RFX8: variants seen among roughly 807,000 people sequenced by gnomAD.
The protein encoded by RFX8 is regulatory factor X8.
A neutral mutation model predicts 54.6 loss-of-function variants in RFX8; 46 were observed. The observed-to-expected ratio is 0.84, with a 90% CI of 0.67 to 1.08. The LOEUF is 1.08. Among genes scored for constraint, RFX8 ranks in the 50% least tolerant of loss-of-function variants. RFX8 has a pLI of 0.00. For synonymous variants in RFX8, 192 were observed against 209.5 expected (o/e 0.92, Z 0.72); for missense variants, 536 against 562.3 (o/e 0.95, Z 0.47).
intron 2 of RFX8, among the ~76,000 whole-genome samples, chr2:101,451,842 C>T (rs113884723): frequency 0.045 from 6,891 of 152,168 alleles, 244 homozygotes; most frequent in African/African-American, 0.11. Flanking sequence ...GCCCGTAATC[C>T]CAGTGCTTTG....
intron 2 of RFX8, among the ~76,000 whole-genome samples, chr2:101,458,929 A>G (rs1367874473): frequency 2.0e-5 from 3 of 151,810 alleles, no homozygotes; most frequent in Non-Finnish European, 4.4e-5. Context: ...TTTTTTCTCT[A>G]ATCTTGTCTT....
At chr2:101,460,568 T>C (rs1360268482) in intron 2 of RFX8, among the ~76,000 whole-genome samples, 1 of 152,052 alleles carries the variant, frequency 6.6e-6, no homozygotes, top group Non-Finnish European at 1.5e-5. Flanking sequence ...GTGGCATCCA[T>C]GACATGCATG....
chr2:101,431,590 C>G (rs1687491788), intron 2 of RFX8, among the ~76,000 whole-genome samples: 1 of 152,156 alleles, frequency 6.6e-6, no homozygotes, highest in South Asian at 2.1e-4. Context: ...TATTTCAAAG[C>G]TAGAATGTCT....
chr2:101,444,067 T>A (rs1203011951), intron 2 of RFX8, among the ~76,000 whole-genome samples: 1 of 152,176 alleles, frequency 6.6e-6, no homozygotes, highest in Non-Finnish European at 1.5e-5. Context: ...GCCCATTCCA[T>A]GTGTGGAGCA....
intron 2 of RFX8, among the ~76,000 whole-genome samples, chr2:101,443,600 C>T (rs929493344): frequency 3.3e-5 from 5 of 152,008 alleles, no homozygotes; most frequent in Non-Finnish European, 7.4e-5. Context: ...GCTCTGAAAG[C>T]GGGAAAGAAG....
chr2:101,456,607 G>A (rs565923807), intron 2 of RFX8, among the ~76,000 whole-genome samples: 1 of 152,200 alleles, frequency 6.6e-6, no homozygotes, highest in Admixed American at 6.5e-5. Context: ...TACTGGATTC[G>A]GTTTGCCAGT....
intron 1 of RFX8, among the ~76,000 whole-genome samples, chr2:101,470,237 T>C (rs1689899901): frequency 1.3e-5 from 2 of 152,216 alleles, no homozygotes; most frequent in Non-Finnish European, 2.9e-5. Context: ...ACCTGCCTAC[T>C]ACCGTGGCTT....
At chr2:101,416,273 G>A (rs774821006) in intron 6 of RFX8, among the ~76,000 whole-genome samples, 15 of 152,140 alleles carry the variant, frequency 9.9e-5, no homozygotes, top group East Asian at 3.9e-4. Flanking sequence ...GCTTGAATTC[G>A]GGCAGATGTT....
chr2:101,418,861 T>C lies in RFX8; in HGVS notation c.341A>G (p.Gln114Arg). The change falls in exon 5 of 12, where the codon CAG becomes CGG. Residue 114 changes from glutamine to arginine, a missense_variant. Coordinates refer to ENST00000428343, the MANE Select transcript of RFX8 (RefSeq NM_001145664.2). The stretch of plus-strand genomic sequence containing the variant: ...CACGCGTCCTCCTACCTTGTACAGC[T>C]GGACGTCGTAGCATTTAAAGAGCTG... ...VCQLFKCYDV[Q>R]LYKGIEDVLL... 6.5e-7 allele frequency: 1 copy of C among 1,546,896 alleles called. No homozygotes were observed. Among genetic ancestry groups the C allele is most frequent in the African/African-American group, 1.4e-5 (1 of 73,068 alleles).
chr2:101,473,410 T>A (rs1388200654), intron 1 of RFX8, among the ~76,000 whole-genome samples: 1 of 152,136 alleles, frequency 6.6e-6, no homozygotes, highest in Non-Finnish European at 1.5e-5. Flanking sequence ...TCATTTGATT[T>A]TTTTTCCTCT....
chr2:101,456,620 T>G (rs947297597), intron 2 of RFX8, among the ~76,000 whole-genome samples: 1 of 152,238 alleles, frequency 6.6e-6, no homozygotes, highest in Non-Finnish European at 1.5e-5. Flanking sequence ...TTGCCAGTAT[T>G]TTATTGAGGA....
chr2:101,414,174 G>GTGTC (rs979032179), intron 7 of RFX8, among the ~76,000 whole-genome samples: 1 of 152,220 alleles, frequency 6.6e-6, no homozygotes, highest in African/African-American at 2.4e-5. Flanking sequence ...GGTGAAGGGT[G>GTGTC]TGTCTGTCTG....
chr2:101,416,540 C>T (rs866207890), intron 6 of RFX8, among the ~76,000 whole-genome samples: 3 of 152,100 alleles, frequency 2.0e-5, no homozygotes, highest in Non-Finnish European at 4.4e-5. Flanking sequence ...GCAAAGGAAG[C>T]AAGACTCATA....
chr2:101,445,735 T>C (rs967863404), intron 2 of RFX8, among the ~76,000 whole-genome samples: 15 of 152,074 alleles, frequency 9.9e-5, no homozygotes, highest in Non-Finnish European at 2.1e-4. Context: ...TGGTCTATTG[T>C]CCTTTTTTAT....
chr2:101,426,284 C>T (rs552544524), intron 2 of RFX8, among the ~76,000 whole-genome samples: 235 of 151,982 alleles, frequency 1.5e-3, no homozygotes, highest in African/African-American at 5.2e-3. Context: ...ACGATTGCCT[C>T]GGGCCAGGAG....
intron 9 of RFX8, among the ~76,000 whole-genome samples, chr2:101,409,397 G>C (rs887575328): frequency 1.3e-5 from 2 of 151,594 alleles, no homozygotes; most frequent in African/African-American, 4.9e-5. Flanking sequence ...TAATTTTTTT[G>C]TATTTTTTTT....
intron 2 of RFX8, chr2:101,429,117 G>A (rs1320364355): frequency 1.4e-6 from 1 of 704,060 alleles, no homozygotes. Context: ...TTTGTTTAGG[G>A]GTATAACTTT....
rs1685200146 is a variant in RFX8, at chr2:101,397,621, A to G, written c.1349T>C (p.Phe450Ser). The G allele has an allele frequency of 6.4e-7, 1 of 1,551,252 alleles. No individual in the cohort carries two copies. Among genetic ancestry groups the G allele is most frequent in the Non-Finnish European group, 8.7e-7 (1 of 1,146,730 alleles). Residue 450 changes from phenylalanine (F) to serine (S), a missense_variant, in exon 12 of 12, where the codon TTT becomes TCT. By Grantham distance (155) the Phe-to-Ser change is radical. Transcript: ENST00000428343. ...GGGTACATCTGATATCTGAATCACA[A>G]ATTGTTGTCCATCTTTTAGGGTTAT... ...ALITLKDGQQ[F>S]VIQISDVPQS...
intron 2 of RFX8, among the ~76,000 whole-genome samples, chr2:101,458,176 T>C (rs1443305099): frequency 2.6e-5 from 4 of 152,240 alleles, no homozygotes; most frequent in Non-Finnish European, 4.4e-5. Flanking sequence ...TTTGCCAGTC[T>C]GTGTCCTTTA....
Sources: allele counts gnomAD v4.1 joint callset (sites outside exome capture counted in the v4.1 genomes callset), GRCh38; gene constraint gnomAD v4.1.1; transcripts MANE v1.5; gene names NCBI Gene and HGNC (gene_info 2026-07-23, HGNC 2026-07-21).